Variants in PCDHGB2 observed in about 807,000 individuals in gnomAD.
PCDHGB2 encodes the protein protocadherin gamma-B2.
In PCDHGB2, 55 loss-of-function variants were observed where a neutral mutation model predicts 59.3. The observed-to-expected ratio is 0.93, with a 90% CI of 0.75 to 1.16. The LOEUF (loss-of-function observed/expected upper bound fraction) is 1.16. PCDHGB2 is among the 50% of genes most tolerant of loss of function. The pLI is 0.00. For synonymous variants in PCDHGB2, 516 were observed against 512.0 expected (o/e 1.01, Z -0.11); for missense variants, 1,228 against 1,198.5 (o/e 1.02, Z -0.36).
At chr5:141,473,369 G>A (rs888984972) in intron 1 of PCDHGB2, among the ~76,000 whole-genome samples, 1 of 152,200 alleles carries the variant, frequency 6.6e-6, no homozygotes, top group African/African-American at 2.4e-5. Context: ...CACCAAAATA[G>A]CATGGTCCCT....
chr5:141,414,721 G>A (rs373261988), intron 1 of PCDHGB2: 29 of 1,614,004 alleles, frequency 1.8e-5, no homozygotes, highest in Middle Eastern at 1.6e-4. Flanking sequence ...CTCAGACACT[G>A]GCGTCCTGTA....
chr5:141,421,665 C>T, intron 1 of PCDHGB2: 1 of 1,613,854 alleles, frequency 6.2e-7, no homozygotes, highest in African/African-American at 1.3e-5. Context: ...TCAGTGAGCA[C>T]GCAATTCCTG....
At chr5:141,497,839 A>G (rs1399696596) in intron 2 of PCDHGB2, among the ~76,000 whole-genome samples, 1 of 152,044 alleles carries the variant, frequency 6.6e-6, no homozygotes, top group East Asian at 1.9e-4. Flanking sequence ...CCCGGCCACA[A>G]CAAACATTTT....
At chr5:141,389,596 C>T (rs768865727) in intron 1 of PCDHGB2, 2 of 1,613,132 alleles carry the variant, frequency 1.2e-6, no homozygotes, top group Non-Finnish European at 1.7e-6. Context: ...GACGGCTCTG[C>T]GCTCTTCGAT....
chr5:141,471,562 G>T (rs2099259935), intron 1 of PCDHGB2: 1 of 152,136 alleles, frequency 6.6e-6, no homozygotes, highest in Non-Finnish European at 1.5e-5. Flanking sequence ...TTGACTCAGG[G>T]GTAGCAGTAG....
At position 141,425,713 on chromosome 5, in the gene PCDHGB2, C is replaced by T. The variant is rs191037499; in HGVS notation, c.2421+63157C>T. 3.9e-4 allele frequency among the ~76,000 whole-genome samples: 60 copies of T among 152,312 alleles called. No homozygotes were observed. In the East Asian group the frequency reaches 6.7e-3, roughly 17 times the overall value. On this transcript the variant is annotated intron_variant, in intron 1 of 3. Transcript: ENST00000522605. ...CATTTCATAGTGGTCAAAATTTTCC[C>T]ATACCACTTGATGGGGATGTTTTCC...
intron 1 of PCDHGB2, chr5:141,376,145 G>A: frequency 6.2e-7 from 1 of 1,613,994 alleles, no homozygotes; most frequent in Non-Finnish European, 8.5e-7. Context: ...CAACGATTCG[G>A]ACCTCACTCT....
intron 1 of PCDHGB2, chr5:141,372,455 G>A: frequency 6.2e-7 from 1 of 1,614,060 alleles, no homozygotes; most frequent in South Asian, 1.1e-5. Flanking sequence ...CTCAGGCGGA[G>A]CTACAGTTTC....
intron 2 of PCDHGB2, among the ~76,000 whole-genome samples, chr5:141,503,448 C>T (rs765046868): frequency 2.0e-5 from 3 of 151,808 alleles, no homozygotes; most frequent in South Asian, 2.1e-4. Context: ...TACAAAAATT[C>T]GCTGGGCATG....
At chr5:141,376,674 TCG>T in intron 1 of PCDHGB2, 1 of 648,166 alleles carries the variant, frequency 1.5e-6, no homozygotes, top group South Asian at 2.1e-5. Context: ...GGTGAGGGTA[TCG>T]TTTTTTTTTT....
At chr5:141,398,759 T>A (rs1313274991) in intron 1 of PCDHGB2, 2 of 1,613,904 alleles carry the variant, frequency 1.2e-6, no homozygotes, top group Non-Finnish European at 1.7e-6. Context: ...CATCGTTTAG[T>A]CCTGACTGCC....
chr5:141,464,898 C>T (rs969877255), intron 1 of PCDHGB2, among the ~76,000 whole-genome samples: 4 of 151,958 alleles, frequency 2.6e-5, no homozygotes, highest in African/African-American at 4.8e-5. Flanking sequence ...GCCACCATGT[C>T]CAGCTAATTT....
rs201160783 is a variant in PCDHGB2, at chr5:141,418,846, A to G, written c.2421+56290A>G. The G allele has an allele frequency of 7.4e-5, 120 of 1,613,976 alleles. No homozygotes were observed. In the East Asian group the frequency reaches 2.6e-3, roughly 34 times the overall value. On this transcript the variant is annotated intron_variant, in intron 1 of 3. Transcript: ENST00000522605. Reference sequence around the variant, plus strand: ...CAAAAGACCGAGGATCTCTCTCAACACGGTGTAAAGTAATTGTAGAAGTTG... The same window carrying G: ...CAAAAGACCGAGGATCTCTCTCAACGCGGTGTAAAGTAATTGTAGAAGTTG...
intron 1 of PCDHGB2, chr5:141,377,997 G>C (rs1774530725): frequency 6.6e-6 from 1 of 152,122 alleles, no homozygotes; most frequent in African/African-American, 2.4e-5. Flanking sequence ...CCTAAAGCTT[G>C]GCTCAAATAA....
intron 1 of PCDHGB2, chr5:141,400,041 G>T (rs1354740714): frequency 1.2e-6 from 2 of 1,613,566 alleles, no homozygotes; most frequent in South Asian, 2.2e-5. Context: ...GCCAGCGCCT[G>T]CTGGTTGCTG....
At chr5:141,392,815 T>G (rs1361544072) in intron 1 of PCDHGB2, 1 of 1,586,560 alleles carries the variant, frequency 6.3e-7, no homozygotes, top group South Asian at 1.1e-5. Flanking sequence ...AAAACAACAA[T>G]GGCCGCTCCA....
intron 1 of PCDHGB2, among the ~76,000 whole-genome samples, chr5:141,438,139 T>C (rs2097931816): frequency 6.6e-6 from 1 of 152,152 alleles, no homozygotes. Context: ...TGGCAAAAGA[T>C]AGCCAGCCTA....
At chr5:141,366,447 C>T in intron 1 of PCDHGB2, 1 of 1,614,210 alleles carries the variant, frequency 6.2e-7, no homozygotes, top group South Asian at 1.1e-5. Flanking sequence ...GTCTTCCTGG[C>T]CTTCGTCATC....
chr5:141,491,022 C>T lies in PCDHGB2; in HGVS notation c.2422-3785C>T, dbSNP rs1431293281. 6.8e-6 allele frequency: 11 copies of T among 1,614,116 alleles called. No homozygotes were observed. Among genetic ancestry groups the T allele is most frequent in the East Asian group, 2.2e-5 (1 of 44,886 alleles). On this transcript the variant is annotated intron_variant, in intron 1 of 3. Coordinates refer to ENST00000522605, the MANE Select transcript of PCDHGB2 (RefSeq NM_018923.3). The surrounding 1 kb of genome is among the most constrained non-coding windows in gnomAD (Gnocchi z 6.9). ...GCTCCTTGGTCACCAAGGTGACAGCCGTGGATGCTGATGCAGGCCACAATG... is the reference window on the plus strand; with the variant it reads ...GCTCCTTGGTCACCAAGGTGACAGCTGTGGATGCTGATGCAGGCCACAATG...
Sources: gnomAD v4.1 joint callset for allele counts (sites outside exome capture counted in the v4.1 genomes callset) on GRCh38, gnomAD v4.1.1 for gene constraint, Gnocchi (gnomAD v3.1) non-coding constraint, MANE v1.5 for transcripts, NCBI Gene and HGNC (gene_info 2026-07-23, HGNC 2026-07-21) for gene names.